The following PCDHGB5 variants were observed in gnomAD, a reference collection of about 807,000 sequenced individuals.
PCDHGB5 encodes the protein protocadherin gamma subfamily B, 5, also known as protocadherin gamma-B5.
A neutral mutation model predicts 62.9 loss-of-function variants in PCDHGB5; 48 were observed. That is an observed-to-expected ratio of 0.76 (90% CI 0.61 to 0.97). The LOEUF (loss-of-function observed/expected upper bound fraction) is 0.97, where lower values mean the gene tolerates loss of function less well. Among genes scored for constraint, PCDHGB5 ranks in the 50% least tolerant of loss-of-function variants. The pLI, the probability that PCDHGB5 is intolerant of heterozygous loss-of-function variation, is 0.00. For missense variants in PCDHGB5, 1,118 were observed against 1,198.6 expected (o/e 0.93, Z 0.99); for synonymous variants, 474 against 511.2 (o/e 0.93, Z 0.98).
intron 1 of PCDHGB5, among the ~76,000 whole-genome samples, chr5:141,438,828 A>T (rs1364963084): frequency 6.7e-6 from 1 of 149,956 alleles, no homozygotes; most frequent in Non-Finnish European, 1.5e-5. Context: ...TGCCCAGCTA[A>T]TTTTTTAAAA....
At chr5:141,482,675 A>G (rs1258898440) in intron 1 of PCDHGB5, among the ~76,000 whole-genome samples, 1 of 149,114 alleles carries the variant, frequency 6.7e-6, no homozygotes, top group African/African-American at 2.5e-5. Context: ...AAGGTTGAGT[A>G]GTAGCTTGTC....
Position 141,487,501 on chromosome 5 carries a change from T to A in PCDHGB5, c.2398-7306T>A. 1 of 1,614,232 alleles carries A rather than the reference T, an allele frequency of 6.2e-7. No individual in the cohort carries two copies. Among genetic ancestry groups the A allele is most frequent in the Non-Finnish European group, 8.5e-7 (1 of 1,180,036 alleles). On this transcript the variant is annotated intron_variant, in intron 1 of 3. Transcript: ENST00000617380. This position sits in a 1 kb window ranked among gnomAD's most constrained non-coding sequence, Gnocchi z 5.0. ...ACTCTCATGGCTGTACACCCTTGGC[T>A]TCTGCACCCACTCGGAGTGATAGCT...
rs775489120 is a variant in PCDHGB5 at position 141,418,594 on chromosome 5, C to T, written c.2397+18070C>T. ...ACAACCCCCCAGTGTTCAGCCAGGA[C>T]GTGTACAGGGTTAGCCTTCGGGAAG... On this transcript the variant is annotated intron_variant, in intron 1 of 3. Coordinates refer to ENST00000617380, the MANE Select transcript of PCDHGB5 (RefSeq NM_018925.3). The T allele has an allele frequency of 3.1e-6, 5 of 1,614,022 alleles. No individual in the cohort carries two copies. In the Admixed American group the frequency reaches 8.3e-5, roughly 27 times the overall value.
intron 1 of PCDHGB5, chr5:141,428,594 G>T (rs1317075888): frequency 4.4e-6 from 1 of 227,916 alleles, no homozygotes; most frequent in Admixed American, 5.2e-5. Context: ...CTGGTAGCAA[G>T]CTTCACTGAA....
chr5:141,417,004 AT>A (rs1462550813), intron 1 of PCDHGB5: 1 of 149,888 alleles, frequency 6.7e-6, no homozygotes, highest in African/African-American at 2.5e-5. Context: ...ATCTCAAATA[AT>A]TCTATTATTT....
intron 1 of PCDHGB5, chr5:141,414,780 G>A (rs2095787223): frequency 1.2e-6 from 2 of 1,614,232 alleles, no homozygotes; most frequent in Non-Finnish European, 1.7e-6. Context: ...TACAGATGCA[G>A]GTGACAGCCA....
Position 141,432,911 on chromosome 5 carries a change from C to G in PCDHGB5, c.2397+32387C>G. 5 of 1,614,176 alleles carry G rather than the reference C, an allele frequency of 3.1e-6. No homozygotes were observed. Among genetic ancestry groups the G allele is most frequent in the Non-Finnish European group, 4.2e-6 (5 of 1,180,014 alleles). Reference sequence around the variant, plus strand: ...CTTGCTGCTGGCGCTCAGGCTGCGGCGCTGGCACAAGTCACGCCTGCTGCA... The same window carrying G: ...CTTGCTGCTGGCGCTCAGGCTGCGGGGCTGGCACAAGTCACGCCTGCTGCA... On this transcript the variant is annotated intron_variant, in intron 1 of 3. Transcript: ENST00000617380. This position sits in a 1 kb window ranked among gnomAD's most constrained non-coding sequence, Gnocchi z 6.0.
rs979093310 is a variant in PCDHGB5 at position 141,486,621 on chromosome 5, A to G, written c.2398-8186A>G. On this transcript the variant is annotated intron_variant, in intron 1 of 3. Transcript: ENST00000617380. This position sits in a 1 kb window ranked among gnomAD's most constrained non-coding sequence, Gnocchi z 5.0. The stretch of plus-strand genomic sequence containing the variant: ...TGCTCCCTTGCAGCCTCTGACCCAG[A>G]CTCTGGCTTGAATGCGCTTATCTCC... 6.2e-7 allele frequency: 1 copy of G among 1,613,388 alleles called. No individual in the cohort carries two copies. The highest frequency in any genetic ancestry group is 1.3e-5 in the African/African-American group (1 of 74,960).
chr5:141,402,867 C>T, intron 1 of PCDHGB5: 2 of 1,443,510 alleles, frequency 1.4e-6, no homozygotes, highest in Non-Finnish European at 1.8e-6. Context: ...AGGAAAAGAT[C>T]ACCATACTTT....
In PCDHGB5 at chr5:141,398,702, C is replaced by G; in HGVS notation, c.575C>G (p.Pro192Arg). Residue 192 changes from proline to arginine, a missense_variant, in exon 1 of 4, where the codon CCG becomes CGG. Coordinates refer to ENST00000617380, the MANE Select transcript of PCDHGB5 (RefSeq NM_018925.3). ...GAGAAACAGGATGGTAGTAAATACC[C>G]GGAACTGGCACTGGAGAAAACCTTA... Reference protein sequence around the residue: ...IKEKQDGSKYPELALEKTLDR... With the variant: ...IKEKQDGSKYRELALEKTLDR... 1 of 1,613,832 alleles carries G rather than the reference C, an allele frequency of 6.2e-7. No homozygotes were observed. Among genetic ancestry groups the G allele is most frequent in the Non-Finnish European group, 8.5e-7 (1 of 1,179,890 alleles).
At chr5:141,416,722 A>C (rs891558095) in intron 1 of PCDHGB5, 3 of 152,258 alleles carry the variant, frequency 2.0e-5, no homozygotes, top group African/African-American at 7.2e-5. Context: ...TGATGAGTTC[A>C]TTTAGTTCAA....
chr5:141,421,679 C>A, intron 1 of PCDHGB5: 1 of 1,613,810 alleles, frequency 6.2e-7, no homozygotes, highest in East Asian at 2.2e-5. Flanking sequence ...ATTCCTGGGG[C>A]GCGATTTGCT....
intron 1 of PCDHGB5, among the ~76,000 whole-genome samples, chr5:141,453,288 ATTAT>A (rs577328880): frequency 4.0e-5 from 6 of 151,342 alleles, no homozygotes; most frequent in Admixed American, 1.3e-4. Context: ...TAATTTTTTA[ATTAT>A]TTATTTATTT....
intron 1 of PCDHGB5, among the ~76,000 whole-genome samples, chr5:141,461,165 TG>T (rs2099010296): frequency 6.6e-6 from 1 of 152,146 alleles, no homozygotes; most frequent in South Asian, 2.1e-4. Flanking sequence ...ATAGTGGGAT[TG>T]CTGGATTGAA....
At chr5:141,414,316 G>T (rs2095734692) in intron 1 of PCDHGB5, 1 of 1,613,682 alleles carries the variant, frequency 6.2e-7, no homozygotes, top group Admixed American at 1.7e-5. Flanking sequence ...TTTAGACTCT[G>T]AGCAGAATGG....
chr5:141,405,994 C>T (rs2094743060), intron 1 of PCDHGB5, among the ~76,000 whole-genome samples: 1 of 151,930 alleles, frequency 6.6e-6, no homozygotes, highest in African/African-American at 2.4e-5. Context: ...GGGTAGCTCT[C>T]AGCCTGCATT....
intron 1 of PCDHGB5, chr5:141,408,082 G>C (rs890768118): frequency 2.1e-6 from 3 of 1,417,248 alleles, no homozygotes; most frequent in Non-Finnish European, 1.9e-6. Flanking sequence ...TCCCAGCACA[G>C]CGGATTGCCA....
Position 141,398,277 on chromosome 5 carries a change from C to T in PCDHGB5, c.150C>T (p.Leu50=). Reference sequence around the variant, plus strand: ...CCAAGGGCTCCGTAGTGGGGAACCTCGCCACGGACCTGGGGTTCAGCGTCC... The same window carrying T: ...CCAAGGGCTCCGTAGTGGGGAACCTTGCCACGGACCTGGGGTTCAGCGTCC... ...EMPKGSVVGN[L]ATDLGFSVQE... Residue 50 remains leucine (L), a synonymous_variant, in exon 1 of 4, where the codon CTC becomes CTT. Transcript: ENST00000617380. 2 of 1,407,866 alleles carry T rather than the reference C, an allele frequency of 1.4e-6. No homozygotes were observed. The highest frequency in any genetic ancestry group is 1.9e-6 in the Non-Finnish European group (2 of 1,030,148). The allele number at this position is 1,407,866 out of a possible 1,614,324, so 87.2% of individuals were successfully genotyped here. A position where few individuals can be genotyped will look rare whatever the true frequency, so the allele number is the denominator to read the frequency against.
chr5:141,460,157 C>T (rs1388985005), intron 1 of PCDHGB5, among the ~76,000 whole-genome samples: 1 of 151,968 alleles, frequency 6.6e-6, no homozygotes, highest in Admixed American at 6.6e-5. Context: ...CTCTTTGTCA[C>T]ATACATATTT....
Sources: gnomAD v4.1 joint callset for allele counts (sites outside exome capture counted in the v4.1 genomes callset) on GRCh38, gnomAD v4.1.1 for gene constraint, Gnocchi (gnomAD v3.1) non-coding constraint, MANE v1.5 for transcripts, NCBI Gene and HGNC (gene_info 2026-07-23, HGNC 2026-07-21) for gene names.